Variants in TCERG1L observed in about 807,000 individuals in gnomAD.
The protein encoded by TCERG1L is transcription elongation regulator 1 like, also known as transcription elongation regulator 1-like protein.
A neutral mutation model predicts 56.3 loss-of-function variants in TCERG1L; 37 were observed. That is an observed-to-expected ratio of 0.66 (90% CI 0.51 to 0.87). The LOEUF (loss-of-function observed/expected upper bound fraction) is 0.87, where lower values mean the gene tolerates loss of function less well. Ranked by LOEUF, TCERG1L falls within the 40% of genes least tolerant of loss-of-function variation. The pLI is 0.00. For missense variants in TCERG1L, 799 were observed against 774.2 expected, an observed-to-expected ratio of 1.03 and a Z score of -0.38; for synonymous variants, 324 against 326.3, an observed-to-expected ratio of 0.99 and a Z score of 0.08.
chr10:131,293,291 A>C (rs994161916), intron 3 of TCERG1L, among the ~76,000 whole-genome samples: 1 of 152,140 alleles, frequency 6.6e-6, no homozygotes. Flanking sequence ...CATGTTTAAC[A>C]TCATCATTGT....
chr10:131,114,591 A>C (rs574009513), intron 9 of TCERG1L, among the ~76,000 whole-genome samples: 1 of 152,286 alleles, frequency 6.6e-6, no homozygotes, highest in African/African-American at 2.4e-5. Flanking sequence ...CACCCACCCT[A>C]AACGGGGTAA....
intron 10 of TCERG1L, among the ~76,000 whole-genome samples, chr10:131,102,822 G>A (rs958195283): frequency 1.1e-4 from 17 of 152,056 alleles, no homozygotes; most frequent in Admixed American, 1.3e-4. Flanking sequence ...ACAAACCCAG[G>A]CTGTGCTCGC....
At chr10:131,310,778 T>A (rs1034373668) in intron 1 of TCERG1L, among the ~76,000 whole-genome samples, 13 of 152,264 alleles carry the variant, frequency 8.5e-5, no homozygotes, top group Non-Finnish European at 1.8e-4. Context: ...GCCACTTCCG[T>A]CGGTTGGAAT....
intron 4 of TCERG1L, among the ~76,000 whole-genome samples, chr10:131,238,928 C>T (rs1845943618): frequency 6.6e-6 from 1 of 152,226 alleles, no homozygotes; most frequent in Admixed American, 6.5e-5. Context: ...GCCAACGTCC[C>T]CATGCAGTGG....
intron 3 of TCERG1L, among the ~76,000 whole-genome samples, chr10:131,285,465 GAAGAAAGAAAGAAAGAAAGAAAGAAAGA>G (rs1212795487): frequency 9.6e-6 from 1 of 103,940 alleles, no homozygotes; most frequent in African/African-American, 4.0e-5. Context: ...GAGAGAAAGG[GAAGAAAGAAAGAAAGAAAGAAAGAAAGA>G]AAGAAAGAAA....
intron 6 of TCERG1L, among the ~76,000 whole-genome samples, chr10:131,148,929 C>G (rs560009084): frequency 2.0e-5 from 3 of 152,360 alleles, no homozygotes; most frequent in Non-Finnish European, 2.9e-5. Context: ...GCACCAGCAT[C>G]TGGGAGCCCT....
intron 3 of TCERG1L, among the ~76,000 whole-genome samples, chr10:131,261,681 T>C (rs1005797988): frequency 3.9e-5 from 6 of 152,232 alleles, no homozygotes; most frequent in Admixed American, 2.0e-4. Context: ...AGTAGCTCTT[T>C]GGGACAGAGC....
At chr10:131,208,700 C>T (rs776427187) in intron 4 of TCERG1L, among the ~76,000 whole-genome samples, 2 of 152,292 alleles carry the variant, frequency 1.3e-5, no homozygotes, top group African/African-American at 2.4e-5. Context: ...AAACTTTCTC[C>T]GTGCTGACCC....
chr10:131,136,071 C>G (rs1051895064), intron 7 of TCERG1L, among the ~76,000 whole-genome samples: 1 of 152,222 alleles, frequency 6.6e-6, no homozygotes, highest in Non-Finnish European at 1.5e-5. Flanking sequence ...AACGAAAATG[C>G]CTCCAGAAGT....
rs568791213 is a variant in TCERG1L at position 131,137,779 on chromosome 10, T to C, written c.1190-3331A>G. Among the ~76,000 whole-genome samples, 9 of 152,302 alleles carry C rather than the reference T, an allele frequency of 5.9e-5. 1 individual carries two copies. The South Asian group carries it at 1.9e-3, about 32-fold the overall frequency. ...CTTTCCTAATTATGATCCAGACTCA[T>C]AAACAAAAATATGTATAAATTTAAC... is the stretch of plus-strand genomic sequence containing the variant. On this transcript the variant is annotated intron_variant, in intron 7 of 11. Transcript: ENST00000368642.
At chr10:131,263,470 A>G (rs974070846) in intron 3 of TCERG1L, among the ~76,000 whole-genome samples, 18 of 152,200 alleles carry the variant, frequency 1.2e-4, no homozygotes, top group Non-Finnish European at 2.4e-4. Context: ...CAATCACACC[A>G]CATCTGTGGC....
At chr10:131,194,044 T>C (rs1016529642) in intron 4 of TCERG1L, among the ~76,000 whole-genome samples, 1 of 152,186 alleles carries the variant, frequency 6.6e-6, no homozygotes. Context: ...ACTGTGCTGA[T>C]TAATAGCCAC....
chr10:131,197,182 T>A (rs1845374802), intron 4 of TCERG1L, among the ~76,000 whole-genome samples: 1 of 12,944 alleles, frequency 7.7e-5, no homozygotes, highest in Non-Finnish European at 1.4e-4. Context: ...CCTTCTCTCC[T>A]CCATTTTTTT....
intron 10 of TCERG1L, 54 bp downstream of exon 10, chr10:131,104,211 A>T: frequency 7.9e-7 from 1 of 1,267,688 alleles, no homozygotes; most frequent in Non-Finnish European, 1.1e-6. Flanking sequence ...CCAGGATGCA[A>T]CAGTCGCTTT....
intron 4 of TCERG1L, among the ~76,000 whole-genome samples, chr10:131,202,267 G>C (rs1238984049): frequency 6.6e-6 from 1 of 152,162 alleles, no homozygotes; most frequent in Non-Finnish European, 1.5e-5. Flanking sequence ...GCACCGTGGG[G>C]TACCACAAAA....
intron 4 of TCERG1L, among the ~76,000 whole-genome samples, chr10:131,204,504 C>T (rs192581473): frequency 3.2e-4 from 48 of 151,962 alleles, no homozygotes; most frequent in African/African-American, 1.0e-3. Context: ...CCTGTCAAAG[C>T]CATTTCCCAT....
intron 5 of TCERG1L, among the ~76,000 whole-genome samples, chr10:131,166,188 G>T (rs1321407323): frequency 6.6e-6 from 1 of 152,216 alleles, no homozygotes; most frequent in Non-Finnish European, 1.5e-5. Flanking sequence ...TTTAGGCAGA[G>T]AAATACCTTG....
At chr10:131,291,397 ATTTCTTTTTT>A (rs1846621655) in intron 3 of TCERG1L, among the ~76,000 whole-genome samples, 14 of 60,232 alleles carry the variant, frequency 2.3e-4, no homozygotes, top group South Asian at 1.1e-3. Context: ...CATAAACAGC[ATTTCTTTTTT>A]TTTTTTTTTT....
chr10:131,197,276 G>A (rs936015839), intron 4 of TCERG1L, among the ~76,000 whole-genome samples: 1 of 151,678 alleles, frequency 6.6e-6, no homozygotes, highest in East Asian at 1.9e-4. Flanking sequence ...CCGCCTCCCA[G>A]GTTCACACCA....
Sources: allele counts gnomAD v4.1 joint callset (sites outside exome capture counted in the v4.1 genomes callset), GRCh38; gene constraint gnomAD v4.1.1; transcripts MANE v1.5; gene names NCBI Gene and HGNC (gene_info 2026-07-23, HGNC 2026-07-21).